The following ANKRD30A variants were observed in gnomAD, a reference collection of about 807,000 sequenced individuals.
ANKRD30A encodes ankyrin repeat domain 30A.
Under a neutral mutation model 166.3 loss-of-function variants are expected in ANKRD30A, and 170 were observed. That is an observed-to-expected ratio of 1.02 (90% confidence interval 0.90 to 1.16). ANKRD30A has a LOEUF of 1.16. ANKRD30A is among the 50% of genes most tolerant of loss of function. The pLI is 0.00. For synonymous variants in ANKRD30A, 564 were observed against 508.9 expected (o/e 1.11, Z -1.46); for missense variants, 1,630 against 1,518.0 (o/e 1.07, Z -1.23).
rs759389685 is a variant in ANKRD30A, at chr10:37,132,358, CT to C, written c.617+19del. 46 of 1,469,342 alleles carry C rather than the reference CT, an allele frequency of 3.1e-5. No homozygotes were observed. Among genetic ancestry groups the C allele is most frequent in the East Asian group, 4.8e-5 (2 of 42,078 alleles). 91.0% of individuals were successfully genotyped at this position (1,469,342 alleles called of 1,614,324 possible). On this transcript the variant is annotated intron_variant, in intron 4 of 35. Transcript: ENST00000361713. ...AATAAGTATAAATGGTATAGTAGTT[CT>C]TTTTTTATTAAAAAACACTTGAGTA...
At chr10:37,229,567 T>G (rs1045400169) in intron 34 of ANKRD30A, among the ~76,000 whole-genome samples, 2 of 151,972 alleles carry the variant, frequency 1.3e-5, no homozygotes, top group African/African-American at 4.8e-5. Context: ...CTGTATTCAC[T>G]CTACAATGCC....
chr10:37,149,652 G>C lies in ANKRD30A; in HGVS notation c.1545G>C (p.Glu515Asp). ...TGATAAATCTCTTTTGCTTTTTAGA[G>C]CCTCCTAAGAAGCCATCTGCCTTCA... The part of the protein sequence containing the change: ...KVMEINREVE[E>D]PPKKPSAFKP... The change falls in exon 10 of 36, where the codon GAG (glutamate) becomes GAC (aspartate). Residue 515 changes from glutamate to aspartate, a missense_variant and splice_region_variant. Physicochemically the swap from Glu to Asp is conservative, Grantham distance 45 (BLOSUM62 2). Around this residue, in one of 4 missense-constraint regions of ANKRD30A, gnomAD observed 904 missense variants for 818.5 expected, o/e 1.10. Coordinates refer to ENST00000361713, the MANE Select transcript of ANKRD30A (RefSeq NM_052997.3). The C allele has an allele frequency of 6.2e-7, 1 of 1,611,730 alleles. No homozygotes were observed. The highest frequency in any genetic ancestry group is 8.5e-7 in the Non-Finnish European group (1 of 1,178,450).
At position 37,126,148 on chromosome 10, in the gene ANKRD30A, G is replaced by T. The variant is rs542844687; in HGVS notation, c.221+140G>T. 2.1e-4 allele frequency: 190 copies of T among 886,708 alleles called. 2 individuals carry two copies. In the South Asian group the frequency reaches 3.0e-3, roughly 14 times the overall value. 54.9% of individuals were successfully genotyped at this position (886,708 alleles called of 1,614,324 possible). ...AACGGGCAGCGGGGCAGCCATCCTG[G>T]GCCCTCGGGTCTAGGCCTTCTTCCT... is the stretch of plus-strand genomic sequence containing the variant. On this transcript the variant is annotated intron_variant, in intron 1 of 35. Coordinates refer to ENST00000361713, the MANE Select transcript of ANKRD30A (RefSeq NM_052997.3).
chr10:37,261,869 G>C, the ANKRD30A span: 1 of 153,088 alleles, frequency 6.5e-6, no homozygotes, highest in Non-Finnish European at 1.5e-5. Context: ...TTCAGATACT[G>C]TGTTGACCAG....
intron 8 of ANKRD30A, 22 bp from the exon 9 acceptor site, chr10:37,147,348 C>G: frequency 6.7e-7 from 1 of 1,486,136 alleles, no homozygotes; most frequent in Non-Finnish European, 9.2e-7. Context: ...CTGAAATTAT[C>G]TATTGATACT....
At chr10:37,246,575 C>A in the ANKRD30A span, among the ~76,000 whole-genome samples, 1 of 152,184 alleles carries the variant, frequency 6.6e-6, no homozygotes, top group South Asian at 2.1e-4. Flanking sequence ...ATAGTTTATG[C>A]ATGAGACTGC....
the ANKRD30A span, among the ~76,000 whole-genome samples, chr10:37,252,684 T>G: frequency 5.0e-4 from 74 of 149,126 alleles, no homozygotes; most frequent in Middle Eastern, 7.0e-3. Flanking sequence ...AATTTACAGT[T>G]TTTTTTTTTT....
intron 24 of ANKRD30A, chr10:37,178,404 A>G (rs1839901917): frequency 1.8e-6 from 1 of 561,976 alleles, no homozygotes. Context: ...TCAGCTGAAA[A>G]CCTTGTTAAC....
chr10:37,225,648 A>G (rs138341543), intron 34 of ANKRD30A, among the ~76,000 whole-genome samples: 22 of 151,894 alleles, frequency 1.4e-4, no homozygotes, highest in African/African-American at 5.1e-4. Flanking sequence ...GCTTGATTCT[A>G]ATGGAAAGAA....
chr10:37,164,754 G>T (rs1189672412), intron 17 of ANKRD30A, among the ~76,000 whole-genome samples: 1 of 152,098 alleles, frequency 6.6e-6, no homozygotes, highest in African/African-American at 2.4e-5. Context: ...AGAAATGAGA[G>T]ATGATAGGTA....
At chr10:37,160,385 G>A (rs1050760790) in intron 15 of ANKRD30A, among the ~76,000 whole-genome samples, 1 of 152,124 alleles carries the variant, frequency 6.6e-6, no homozygotes, top group South Asian at 2.1e-4. Flanking sequence ...AAAAATTTTA[G>A]TTTACACTTT....
chr10:37,201,785 T>C (rs1443363256), intron 31 of ANKRD30A, among the ~76,000 whole-genome samples: 4 of 152,078 alleles, frequency 2.6e-5, no homozygotes, highest in African/African-American at 4.8e-5. Context: ...AAAAGTATTC[T>C]GACTCTTAAT....
the ANKRD30A span, among the ~76,000 whole-genome samples, chr10:37,243,583 G>A: frequency 2.6e-5 from 4 of 152,008 alleles, no homozygotes; most frequent in Admixed American, 2.0e-4. Flanking sequence ...TTAGTATGTA[G>A]TAAGTCCTTA....
At chr10:37,160,950 A>G (rs1838803299) in intron 15 of ANKRD30A, among the ~76,000 whole-genome samples, 2 of 152,152 alleles carry the variant, frequency 1.3e-5, no homozygotes, top group Non-Finnish European at 2.9e-5. Context: ...AGATAGTTAC[A>G]CATATTTATT....
chr10:37,145,430 TCGTGCCATTG>T, intron 8 of ANKRD30A, among the ~76,000 whole-genome samples: 1 of 151,940 alleles, frequency 6.6e-6, no homozygotes. Context: ...TGAGCTGAGA[TCGTGCCATTG>T]CACTCAGATC....
intron 15 of ANKRD30A, among the ~76,000 whole-genome samples, chr10:37,159,785 C>T (rs1386301098): frequency 6.6e-6 from 1 of 152,068 alleles, no homozygotes; most frequent in East Asian, 1.9e-4. Flanking sequence ...AGCTCTGCCT[C>T]CCGGGTTCAC....
intron 21 of ANKRD30A, among the ~76,000 whole-genome samples, chr10:37,172,141 C>T (rs1202816618): frequency 1.0e-4 from 11 of 106,288 alleles, no homozygotes; most frequent in African/African-American, 4.4e-4. Flanking sequence ...GTGAGGAGAG[C>T]GAGACCATCC....
chr10:37,224,194 T>C (rs1843022323), intron 34 of ANKRD30A, among the ~76,000 whole-genome samples: 2 of 151,346 alleles, frequency 1.3e-5, no homozygotes, highest in South Asian at 4.1e-4. Flanking sequence ...TTATCTACTT[T>C]GAATTTTTAT....
the ANKRD30A span, among the ~76,000 whole-genome samples, chr10:37,254,348 T>TA: frequency 1.1e-3 from 172 of 152,310 alleles, no homozygotes; most frequent in South Asian, 4.6e-3. Flanking sequence ...ATGAAAGATC[T>TA]AATTTCTCTA....
Sources: allele counts gnomAD v4.1 joint callset (sites outside exome capture counted in the v4.1 genomes callset), GRCh38; gene constraint gnomAD v4.1.1; regional missense constraint gnomAD v4.1.1; transcripts MANE v1.5; gene names NCBI Gene and HGNC (gene_info 2026-07-23, HGNC 2026-07-21).